The following HERC2 variants were observed in gnomAD, a reference collection of about 807,000 sequenced individuals.
The protein encoded by HERC2 is E3 ubiquitin-protein ligase HERC2.
HERC2 carries 102 observed loss-of-function variants against 537.7 expected under a neutral mutation model. The observed-to-expected ratio is 0.19, with a 90% CI of 0.16 to 0.22. HERC2 has a LOEUF of 0.22. HERC2 is among the 10% of genes least tolerant of loss of function. The probability of loss-of-function intolerance (pLI) is 1.00; values close to 1 mark genes in which losing one functional copy is unlikely to be tolerated. For synonymous variants in HERC2, 2,224 were observed against 2,466.2 expected (o/e 0.90, Z 2.91); for missense variants, 4,236 against 6,198.2 (o/e 0.68, Z 10.63).
chr15:28,195,566 C>G (rs1286564899), intron 52 of HERC2, among the ~76,000 whole-genome samples: 2 of 151,730 alleles, frequency 1.3e-5, no homozygotes, highest in South Asian at 2.1e-4. Flanking sequence ...AAATACATTA[C>G]GCTAAACACA....
chr15:28,309,451 T>G (rs150336362), intron 2 of HERC2, among the ~76,000 whole-genome samples: 1,987 of 152,068 alleles, frequency 0.013, no homozygotes, highest in African/African-American at 0.046. Context: ...GTTTTGGTCT[T>G]GAAATCTATT....
Position 28,142,928 on chromosome 15 carries a change from C to T in HERC2, c.11443G>A (p.Ala3815Thr). The T allele has an allele frequency of 1.2e-6, 2 of 1,607,410 alleles. No individual in the cohort carries two copies. Among genetic ancestry groups the T allele is most frequent in the Non-Finnish European group, 8.5e-7 (1 of 1,176,546 alleles). ...ALSFTGSALAALVKGLPEALQ... is the reference protein window; with the variant it reads ...ALSFTGSALATLVKGLPEALQ... ...GCTTCTGGAAGACCTTTCACCAAAGCAGCAAGAGCACTACCTGTAAAACTC... is the reference window on the plus strand; with the variant it reads ...GCTTCTGGAAGACCTTTCACCAAAGTAGCAAGAGCACTACCTGTAAAACTC... The change falls in exon 75 of 93, where the codon GCT (alanine) becomes ACT (threonine). Residue 3815 changes from alanine to threonine, a missense_variant. Coordinates refer to ENST00000261609, the MANE Select transcript of HERC2 (RefSeq NM_004667.6).
Position 28,144,297 on chromosome 15 carries a change from C to T in HERC2, c.11141-62G>A, listed in dbSNP as rs1345636884. On this transcript the variant is annotated intron_variant, in intron 72 of 92. Coordinates refer to ENST00000261609, the MANE Select transcript of HERC2 (RefSeq NM_004667.6). ...AAGCTAGGTACCACCCCATAAGAAG[C>T]CGCCAACGAACAAGGGTGGCTCCAC... 7 of 1,562,762 alleles carry T rather than the reference C, an allele frequency of 4.5e-6. No homozygotes were observed. In the Admixed American group the frequency reaches 1.2e-4, roughly 28 times the overall value.
At chr15:28,301,777 A>ATATG (rs2076641485) in intron 2 of HERC2, among the ~76,000 whole-genome samples, 1 of 99,040 alleles carries the variant, frequency 1.0e-5, no homozygotes, top group Non-Finnish European at 2.0e-5. Context: ...ATATATATAT[A>ATATG]TATGGGTTAT....
intron 23 of HERC2, among the ~76,000 whole-genome samples, chr15:28,242,744 G>A (rs980580760): frequency 3.9e-5 from 6 of 151,960 alleles, no homozygotes; most frequent in Non-Finnish European, 7.4e-5. Context: ...TTCCAGAAAC[G>A]GAAGGTTGAG....
Position 28,317,595 on chromosome 15 carries a change from A to G in HERC2, c.72+3767T>C, listed in dbSNP as rs555877900. Among the ~76,000 whole-genome samples, 547 of 152,314 alleles carry G rather than the reference A, an allele frequency of 3.6e-3. 3 individuals carry two copies. The highest frequency in any genetic ancestry group is 0.012 in the African/African-American group (516 of 41,556). ...GTCACATATCACTTGGTAATCTCAC[A>G]GTAACAAAATTATAGAGATGGAGAA... On this transcript the variant is annotated intron_variant, in intron 2 of 92. Transcript: ENST00000261609.
intron 14 of HERC2, among the ~76,000 whole-genome samples, chr15:28,264,346 T>C (rs1350310221): frequency 6.6e-6 from 1 of 151,766 alleles, no homozygotes; most frequent in African/African-American, 2.4e-5. Context: ...CCAAGCAAAA[T>C]GGAAACTGGA....
chr15:28,313,417 G>T (rs985283198), intron 2 of HERC2, among the ~76,000 whole-genome samples: 3 of 152,126 alleles, frequency 2.0e-5, no homozygotes, highest in African/African-American at 7.2e-5. Context: ...CTGACCTTGT[G>T]ATCCACCCGC....
intron 23 of HERC2, among the ~76,000 whole-genome samples, chr15:28,240,158 C>T (rs966399036): frequency 2.6e-5 from 4 of 152,206 alleles, no homozygotes; most frequent in Admixed American, 2.6e-4. Flanking sequence ...GTGGCTCACG[C>T]CTGTAATCCC....
intron 2 of HERC2, among the ~76,000 whole-genome samples, chr15:28,305,242 G>A (rs947866123): frequency 6.6e-6 from 1 of 151,524 alleles, no homozygotes; most frequent in East Asian, 1.9e-4. Flanking sequence ...GTAATGGGAT[G>A]GCTGGGTCAA....
In HERC2 at chr15:28,246,901, G is replaced by A; in HGVS notation, c.3236-4C>T. 2 of 1,593,180 alleles carry A rather than the reference G, an allele frequency of 1.3e-6. No homozygotes were observed. Among genetic ancestry groups the A allele is most frequent in the Non-Finnish European group, 1.7e-6 (2 of 1,174,336 alleles). ...CCAACACCCATTAGCTCTGGACCTTGAAGAAGGATTGAGAAATTTTCATTT... is the reference window on the plus strand; with the variant it reads ...CCAACACCCATTAGCTCTGGACCTTAAAGAAGGATTGAGAAATTTTCATTT... On this transcript the variant is annotated splice_region_variant and splice_polypyrimidine_tract_variant and intron_variant, in intron 21 of 92. Transcript: ENST00000261609.
At chr15:28,282,295 A>G (rs2076039533) in intron 4 of HERC2, among the ~76,000 whole-genome samples, 1 of 152,240 alleles carries the variant, frequency 6.6e-6, no homozygotes, top group African/African-American at 2.4e-5. Flanking sequence ...AAAGTCACTC[A>G]TGATACCAAG....
chr15:28,196,351 A>G lies in HERC2; in HGVS notation c.8124T>C (p.Cys2708=). Residue 2708 remains cysteine (C), a synonymous_variant, in exon 52 of 93, where the codon TGT becomes TGC. Coordinates refer to ENST00000261609, the MANE Select transcript of HERC2 (RefSeq NM_004667.6). ...LVPSIHPGVT[C]DGCQMFPING... ...TGATAGGAAACATCTGACATCCATCACACCTATTTGTAAAATAGCAACTGA... is the reference window on the plus strand; with the variant it reads ...TGATAGGAAACATCTGACATCCATCGCACCTATTTGTAAAATAGCAACTGA... 1.5e-6 allele frequency: 2 copies of G among 1,338,450 alleles called. No individual in the cohort carries two copies. Among genetic ancestry groups the G allele is most frequent in the Non-Finnish European group, 2.1e-6 (2 of 959,812 alleles). The allele number at this position is 1,338,450 out of a possible 1,614,324, so 82.9% of individuals were successfully genotyped here.
rs1566940057 is a variant in HERC2 at position 28,144,822 on chromosome 15, A to G, written c.11009-18T>C. 5 of 1,613,494 alleles carry G rather than the reference A, an allele frequency of 3.1e-6. No homozygotes were observed. In the South Asian group the frequency reaches 4.4e-5, roughly 14 times the overall value. On this transcript the variant is annotated intron_variant, in intron 71 of 92. Transcript: ENST00000261609. Reference sequence around the variant, plus strand: ...CTCTCGGCCTGCGGGAGGAAAGCGCACCCCGGGGTTAGCTTCACTCCATCA... The same window carrying G: ...CTCTCGGCCTGCGGGAGGAAAGCGCGCCCCGGGGTTAGCTTCACTCCATCA...
rs568453699 is a variant in HERC2, at chr15:28,212,357, G to A, written c.6925+88C>T. The A allele has an allele frequency of 5.3e-5, 42 of 792,206 alleles. No individual in the cohort carries two copies. The Middle Eastern group carries it at 1.2e-3, about 22-fold the overall frequency. The allele number at this position is 792,206 out of a possible 1,614,324, so 49.1% of individuals were successfully genotyped here. A position where few individuals can be genotyped will look rare whatever the true frequency, so the allele number is the denominator to read the frequency against. On this transcript the variant is annotated intron_variant, in intron 43 of 92. Transcript: ENST00000261609. Reference sequence around the variant, plus strand: ...CACGTGAACCCCAGGACTTTAGTACGTCCGTGAATTCACTCATAAAAGAAC... The same window carrying A: ...CACGTGAACCCCAGGACTTTAGTACATCCGTGAATTCACTCATAAAAGAAC...
rs1244074353 is a variant in HERC2 at position 28,268,311 on chromosome 15, C to A, written c.1598+154G>T. 1.3e-5 allele frequency among the ~76,000 whole-genome samples: 2 copies of A among 152,168 alleles called. No individual in the cohort carries two copies. Among genetic ancestry groups the A allele is most frequent in the Non-Finnish European group, 2.9e-5 (2 of 68,032 alleles). On this transcript the variant is annotated intron_variant, in intron 12 of 92. Coordinates refer to ENST00000261609, the MANE Select transcript of HERC2 (RefSeq NM_004667.6). The surrounding 1 kb of genome is among the most constrained non-coding windows in gnomAD (Gnocchi z 4.7). Reference sequence around the variant, plus strand: ...ATGGGCAGAGCTCCTAAGCCATCACCAAGGAGGAGGCATATCGTAGTGTCC... The same window carrying A: ...ATGGGCAGAGCTCCTAAGCCATCACAAAGGAGGAGGCATATCGTAGTGTCC...
At chr15:28,219,467 G>A (rs1446825053) in intron 37 of HERC2, among the ~76,000 whole-genome samples, 2 of 152,216 alleles carry the variant, frequency 1.3e-5, no homozygotes, top group African/African-American at 4.8e-5. Flanking sequence ...CTGGCGGCCA[G>A]CACCACATCC....
chr15:28,215,637 G>T lies in HERC2; in HGVS notation c.6194C>A (p.Thr2065Asn). ...GCACATTACCTGCCTCTGCAGCGAG[G>T]TGGCAGTGAAGGGTGCGTGCCCTTC... The part of the protein sequence containing the change: ...VVEGHAPFTA[T>N]SLQRQILAVH... Residue 2065 changes from threonine to asparagine, a missense_variant, in exon 39 of 93, where the codon ACC (threonine) becomes AAC (asparagine). Physicochemically the swap from Thr to Asn is moderately conservative, Grantham distance 65. Coordinates refer to ENST00000261609, the MANE Select transcript of HERC2 (RefSeq NM_004667.6). The T allele has an allele frequency of 9.9e-6, 16 of 1,609,248 alleles. No homozygotes were observed. The highest frequency in any genetic ancestry group is 1.3e-5 in the Non-Finnish European group (15 of 1,178,368).
At position 28,256,079 on chromosome 15, in the gene HERC2, C is replaced by T. The variant is rs1288277105; in HGVS notation, c.2746+10G>A. 2 of 1,603,500 alleles carry T rather than the reference C, an allele frequency of 1.2e-6. No homozygotes were observed. The highest frequency in any genetic ancestry group is 2.2e-5 in the East Asian group (1 of 44,852). ...ACCCATGCCCTCTCCTGTTCCTTCCCCAGGCCCACCTGCGCAGGGCAGGAG... is the reference window on the plus strand; with the variant it reads ...ACCCATGCCCTCTCCTGTTCCTTCCTCAGGCCCACCTGCGCAGGGCAGGAG... On this transcript the variant is annotated intron_variant, in intron 18 of 92. Coordinates refer to ENST00000261609, the MANE Select transcript of HERC2 (RefSeq NM_004667.6).
Sources: gnomAD v4.1 joint callset for allele counts (sites outside exome capture counted in the v4.1 genomes callset) on GRCh38, gnomAD v4.1.1 for gene constraint, Gnocchi (gnomAD v3.1) non-coding constraint, MANE v1.5 for transcripts, NCBI Gene and HGNC (gene_info 2026-07-23, HGNC 2026-07-21) for gene names.